The following TMEM132B variants were observed in gnomAD, a reference collection of about 807,000 sequenced individuals.
The protein encoded by TMEM132B is transmembrane protein 132B.
In TMEM132B, 18 loss-of-function variants were observed where a neutral mutation model predicts 90.8. The observed-to-expected ratio is 0.20, with a 90% CI of 0.14 to 0.29. TMEM132B has a LOEUF of 0.29. Among genes scored for constraint, TMEM132B ranks in the 10% least tolerant of loss-of-function variants. The probability of loss-of-function intolerance (pLI) is 1.00; values close to 1 mark genes in which losing one functional copy is unlikely to be tolerated. For synonymous variants in TMEM132B, 504 were observed against 523.3 expected, an observed-to-expected ratio of 0.96 and a Z score of 0.50; for missense variants, 1,096 against 1,326.8, an observed-to-expected ratio of 0.83 and a Z score of 2.70.
At chr12:125,586,836 T>C (rs1464386091) in intron 5 of TMEM132B, 1 of 151,978 alleles carries the variant, frequency 6.6e-6, no homozygotes, top group Non-Finnish European at 1.5e-5. Context: ...AGTGAAAAGG[T>C]GAGAGTTCTT....
At chr12:125,218,769 GTTTTTTTTTTT>G (rs34905706) in intron 1 of TMEM132B, among the ~76,000 whole-genome samples, 1 of 108,854 alleles carries the variant, frequency 9.2e-6, no homozygotes, top group Non-Finnish European at 1.7e-5. Context: ...TGTTGAAGCT[GTTTTTTTTTTT>G]TTTTTTTTTT....
At chr12:125,316,618 C>CTTTTTTTTTT (rs1555239077) in intron 1 of TMEM132B, among the ~76,000 whole-genome samples, 1 of 150,858 alleles carries the variant, frequency 6.6e-6, no homozygotes, top group Non-Finnish European at 1.5e-5. Flanking sequence ...AGATGATTTT[C>CTTTTTTTTTT]AGCTGAGGTC....
At chr12:125,607,504 C>A (rs1885726204) in intron 5 of TMEM132B, among the ~76,000 whole-genome samples, 2 of 152,246 alleles carry the variant, frequency 1.3e-5, no homozygotes, top group African/African-American at 2.4e-5. Flanking sequence ...ACTAAAATAC[C>A]TGAAGTTAGG....
At chr12:125,309,325 T>C (rs913016194) in intron 1 of TMEM132B, among the ~76,000 whole-genome samples, 3 of 152,240 alleles carry the variant, frequency 2.0e-5, no homozygotes, top group African/African-American at 7.2e-5. Context: ...TTTGTTCTTT[T>C]AGGGGTAGTA....
intron 1 of TMEM132B, among the ~76,000 whole-genome samples, chr12:125,254,738 C>T (rs1003636035): frequency 8.3e-5 from 12 of 144,096 alleles, no homozygotes; most frequent in South Asian, 4.5e-4. Flanking sequence ...GGTTGGAGTG[C>T]GGTGGCACAA....
intron 3 of TMEM132B, among the ~76,000 whole-genome samples, chr12:125,517,578 A>G (rs1883199789): frequency 6.6e-6 from 1 of 152,126 alleles, no homozygotes; most frequent in African/African-American, 2.4e-5. Flanking sequence ...GCTTAGGGTC[A>G]GCTGGGACCA....
At chr12:125,610,021 A>G (rs1885789073) in intron 5 of TMEM132B, among the ~76,000 whole-genome samples, 1 of 150,624 alleles carries the variant, frequency 6.6e-6, no homozygotes, top group Non-Finnish European at 1.5e-5. Flanking sequence ...TATTTTCTTA[A>G]TTTAATTTTC....
intron 1 of TMEM132B, among the ~76,000 whole-genome samples, chr12:125,336,027 G>T (rs533915513): frequency 1.3e-5 from 2 of 152,072 alleles, no homozygotes; most frequent in Non-Finnish European, 2.9e-5. Flanking sequence ...ACCCTTTTTG[G>T]TATGGAGCGC....
intron 1 of TMEM132B, among the ~76,000 whole-genome samples, chr12:125,346,558 A>G (rs1877372367): frequency 6.6e-6 from 1 of 152,214 alleles, no homozygotes; most frequent in Non-Finnish European, 1.5e-5. Context: ...TGGAGAGGGG[A>G]AGTAAACCAA....
At chr12:125,267,381 C>T (rs1874720648) in intron 1 of TMEM132B, among the ~76,000 whole-genome samples, 1 of 152,122 alleles carries the variant, frequency 6.6e-6, no homozygotes, top group South Asian at 2.1e-4. Context: ...CACTTTGGCT[C>T]ATGTCCCAAA....
Position 125,432,366 on chromosome 12 carries a change from A to AAAATATAT in TMEM132B, c.1106+16690_1106+16691insAATATATA, listed in dbSNP as rs1199430670. On this transcript the variant is annotated intron_variant, in intron 3 of 8. Coordinates refer to ENST00000682704, the MANE Select transcript of TMEM132B (RefSeq NM_001366854.1). Reference sequence around the variant, plus strand: ...GTGAATGGGCCAAGGGAATTCCTTGAATATATATATATATATATATATATA... The same window carrying AAAATATAT: ...GTGAATGGGCCAAGGGAATTCCTTGAAAATATATATATATATATATATATATATATATA... Among the ~76,000 whole-genome samples the AAAATATAT allele has an allele frequency of 6.7e-4, 8 of 11,916 alleles. 2 individuals are homozygous for AAAATATAT. The highest frequency in any genetic ancestry group is 1.9e-3 in the African/African-American group (7 of 3,744). The allele number at this position is 11,916 out of a possible 152,430, so 7.8% of individuals were successfully genotyped here. A position where few individuals can be genotyped will look rare whatever the true frequency, so the allele number is the denominator to read the frequency against.
chr12:125,439,847 TACCTAGTTTTTTG>T (rs1259804072), intron 3 of TMEM132B, among the ~76,000 whole-genome samples: 6 of 152,254 alleles, frequency 3.9e-5, no homozygotes, highest in African/African-American at 1.4e-4. Flanking sequence ...GTTCCTTCAG[TACCTAGTTTTTTG>T]ACAGTTTTGA....
At chr12:125,332,112 G>A (rs548720755) in intron 1 of TMEM132B, among the ~76,000 whole-genome samples, 3 of 152,136 alleles carry the variant, frequency 2.0e-5, no homozygotes, top group African/African-American at 7.2e-5. Context: ...CTAGCTCATA[G>A]GATTGTGTAA....
At chr12:125,188,608 T>C (rs1392113289) in intron 1 of TMEM132B, among the ~76,000 whole-genome samples, 3 of 116,360 alleles carry the variant, frequency 2.6e-5, no homozygotes, top group Non-Finnish European at 4.9e-5. Context: ...GAAGGCCCCA[T>C]GTTGGGAGGG....
intron 4 of TMEM132B, among the ~76,000 whole-genome samples, chr12:125,579,730 A>G (rs868154037): frequency 4.1e-4 from 63 of 152,296 alleles, no homozygotes; most frequent in African/African-American, 1.3e-3. Flanking sequence ...CATTTAATTA[A>G]AAATAATTGT....
chr12:125,325,517 C>T (rs1157519661), intron 1 of TMEM132B, among the ~76,000 whole-genome samples: 4 of 152,116 alleles, frequency 2.6e-5, no homozygotes, highest in Non-Finnish European at 4.4e-5. Context: ...TTTGAACGCA[C>T]GGATTGTGGC....
intron 1 of TMEM132B, among the ~76,000 whole-genome samples, chr12:125,226,635 G>T (rs1412856772): frequency 6.6e-6 from 1 of 152,182 alleles, no homozygotes; most frequent in African/African-American, 2.4e-5. Context: ...TTAGAATTAG[G>T]GATAGGCATA....
Position 125,213,935 on chromosome 12 carries a change from G to A in TMEM132B, c.67+27069G>A, listed in dbSNP as rs993112144. Among the ~76,000 whole-genome samples the A allele has an allele frequency of 2.0e-5, 3 of 152,204 alleles. No individual in the cohort carries two copies. The highest frequency in any genetic ancestry group is 2.9e-5 in the Non-Finnish European group (2 of 68,036). On this transcript the variant is annotated intron_variant, in intron 1 of 8. Coordinates refer to ENST00000682704, the MANE Select transcript of TMEM132B (RefSeq NM_001366854.1). The surrounding 1 kb of genome is among the most constrained non-coding windows in gnomAD (Gnocchi z 4.2). The stretch of plus-strand genomic sequence containing the variant: ...TCCAAATGGATGGATTTAGTCATTC[G>A]AATATTTATTGATGCTTTTTGTGTG...
chr12:125,423,624 G>T (rs413926), intron 3 of TMEM132B, among the ~76,000 whole-genome samples: 147,233 of 152,312 alleles, frequency 0.97, 71,366 homozygotes, highest in East Asian at 1. Context: ...ATAACAAAAG[G>T]CTTCTTACTT....
Sources: allele counts gnomAD v4.1 joint callset (sites outside exome capture counted in the v4.1 genomes callset), GRCh38; gene constraint gnomAD v4.1.1; non-coding constraint Gnocchi (gnomAD v3.1); transcripts MANE v1.5; gene names NCBI Gene and HGNC (gene_info 2026-07-23, HGNC 2026-07-21).